Variants in GRID2 observed in about 807,000 individuals in gnomAD.
The protein encoded by GRID2 is glutamate ionotropic receptor delta type subunit 2, also known as glutamate receptor ionotropic, delta-2.
Under a neutral mutation model 114.8 loss-of-function variants are expected in GRID2, and 33 were observed. The observed-to-expected ratio is 0.29, with a 90% CI of 0.22 to 0.38. The LOEUF is 0.38. Among genes scored for constraint, GRID2 ranks in the 10% least tolerant of loss-of-function variants. The pLI, the probability that GRID2 is intolerant of heterozygous loss-of-function variation, is 1.00. For synonymous variants in GRID2, 505 were observed against 449.9 expected (o/e 1.12, Z -1.55); for missense variants, 1,184 against 1,257.7 (o/e 0.94, Z 0.89).
At chr4:93,595,832 A>G (rs1296480935) in intron 13 of GRID2, among the ~76,000 whole-genome samples, 2 of 152,164 alleles carry the variant, frequency 1.3e-5, no homozygotes, top group Non-Finnish European at 2.9e-5. Context: ...TGAGATCGTT[A>G]TTTGCTCTTC....
chr4:92,395,532 G>A (rs997365783), intron 1 of GRID2, among the ~76,000 whole-genome samples: 1 of 151,646 alleles, frequency 6.6e-6, no homozygotes, highest in Non-Finnish European at 1.5e-5. Context: ...TGTTAAGTAA[G>A]CACAACCAAA....
At position 92,557,888 on chromosome 4, in the gene GRID2, T is replaced by C. The variant is rs1726933342; in HGVS notation, c.89-32243T>C. 2.6e-5 allele frequency among the ~76,000 whole-genome samples: 4 copies of C among 152,106 alleles called. 1 individual carries two copies. The South Asian group carries it at 8.3e-4, about 31-fold the overall frequency. On this transcript the variant is annotated intron_variant, in intron 1 of 15. Coordinates refer to ENST00000282020, the MANE Select transcript of GRID2 (RefSeq NM_001510.4). ...ATGCTTACTACACTTTAAAAAACTT[T>C]TATGCCTTGACATTATTGAAATATT... is the stretch of plus-strand genomic sequence containing the variant.
rs191904203 is a variant in GRID2 at position 93,227,078 on chromosome 4, G to A, written c.1125+2303G>A. On this transcript the variant is annotated intron_variant, in intron 7 of 15. Coordinates refer to ENST00000282020, the MANE Select transcript of GRID2 (RefSeq NM_001510.4). ...ATCCCCTGAAATCATTTTGCCTTCC[G>A]AGAGACTGTGAGGGCAGCAGCAGCT... 2.6e-3 allele frequency among the ~76,000 whole-genome samples: 396 copies of A among 152,198 alleles called. 5 individuals carry two copies. The highest frequency in any genetic ancestry group is 0.015 in the Admixed American group (226 of 15,272).
intron 2 of GRID2, among the ~76,000 whole-genome samples, chr4:92,684,852 T>A (rs1248847026): frequency 6.6e-6 from 1 of 152,102 alleles, no homozygotes; most frequent in African/African-American, 2.4e-5. Context: ...TTTTATATTT[T>A]TAATACATAT....
intron 2 of GRID2, among the ~76,000 whole-genome samples, chr4:92,804,136 G>C (rs1219728744): frequency 6.6e-6 from 1 of 151,982 alleles, no homozygotes; most frequent in Non-Finnish European, 1.5e-5. Context: ...AGTAACAACA[G>C]ATTAAGGCCC....
intron 4 of GRID2, among the ~76,000 whole-genome samples, chr4:93,195,854 C>T (rs1301084319): frequency 6.6e-6 from 1 of 152,094 alleles, no homozygotes; most frequent in Non-Finnish European, 1.5e-5. Context: ...GATAAGCATA[C>T]ATGTAAAATT....
At chr4:93,245,762 A>C (rs1394260977) in intron 8 of GRID2, among the ~76,000 whole-genome samples, 3 of 152,216 alleles carry the variant, frequency 2.0e-5, no homozygotes, top group African/African-American at 7.2e-5. Flanking sequence ...AATGTAACAC[A>C]TGTAACATGT....
In GRID2 at chr4:93,298,010, G is replaced by C. The variant is rs79980510; in HGVS notation, c.1245+59520G>C. Among the ~76,000 whole-genome samples, 1,451 of 152,214 alleles carry C rather than the reference G, an allele frequency of 9.5e-3. 14 individuals carry two copies. The highest frequency in any genetic ancestry group is 0.033 in the African/African-American group (1,378 of 41,528). On this transcript the variant is annotated intron_variant, in intron 8 of 15. Transcript: ENST00000282020. ...TCCTAGACTTTGGCTCTGGAATCCA[G>C]ATCCCCTTATCTAATTACCTTCTTG...
chr4:93,587,646 T>C (rs934157844), intron 13 of GRID2, among the ~76,000 whole-genome samples: 3 of 152,164 alleles, frequency 2.0e-5, no homozygotes, highest in Admixed American at 6.6e-5. Context: ...TTTCTTGTAC[T>C]TTCTCTAATA....
chr4:92,730,316 G>A (rs1209986755), intron 2 of GRID2, among the ~76,000 whole-genome samples: 1 of 151,820 alleles, frequency 6.6e-6, no homozygotes, highest in Non-Finnish European at 1.5e-5. Flanking sequence ...ATTTTTAAAG[G>A]AAGCTTCGTT....
chr4:93,212,527 C>T (rs1033198438), intron 5 of GRID2, among the ~76,000 whole-genome samples: 2 of 152,012 alleles, frequency 1.3e-5, no homozygotes, highest in Non-Finnish European at 2.9e-5. Context: ...AAGCAGATGG[C>T]TTAACACTTT....
chr4:92,891,996 G>C (rs960745284), intron 2 of GRID2, among the ~76,000 whole-genome samples: 1 of 151,886 alleles, frequency 6.6e-6, no homozygotes, highest in African/African-American at 2.4e-5. Context: ...GCACCCAAAA[G>C]TATCTCTAAA....
At chr4:92,555,745 A>G (rs1358400931) in intron 1 of GRID2, among the ~76,000 whole-genome samples, 1 of 152,052 alleles carries the variant, frequency 6.6e-6, no homozygotes, top group Non-Finnish European at 1.5e-5. Flanking sequence ...TTATCTTCAA[A>G]TTTCAGGGGT....
At chr4:92,318,754 G>T (rs571684135) in intron 1 of GRID2, among the ~76,000 whole-genome samples, 2 of 152,060 alleles carry the variant, frequency 1.3e-5, no homozygotes, top group East Asian at 3.9e-4. Flanking sequence ...GATTACAAGC[G>T]TGAGCACCAT....
chr4:93,607,322 T>C (rs66791763), intron 13 of GRID2, among the ~76,000 whole-genome samples: 10,995 of 152,168 alleles, frequency 0.072, 754 homozygotes, highest in African/African-American at 0.18. Context: ...ACTTTCTGTG[T>C]CTTGCTTTTT....
intron 2 of GRID2, among the ~76,000 whole-genome samples, chr4:92,860,374 A>G (rs1169171280): frequency 1.3e-5 from 2 of 152,098 alleles, no homozygotes; most frequent in African/African-American, 2.4e-5. Context: ...AAGCGATTTA[A>G]TTTTATTTTC....
chr4:93,453,443 G>C (rs1011561498), intron 10 of GRID2, among the ~76,000 whole-genome samples: 27 of 151,518 alleles, frequency 1.8e-4, no homozygotes, highest in Non-Finnish European at 3.1e-4. Flanking sequence ...CTTGAAAATA[G>C]AATAGCCAAA....
chr4:93,676,894 T>C (rs1169794194), intron 14 of GRID2, among the ~76,000 whole-genome samples: 2 of 151,834 alleles, frequency 1.3e-5, no homozygotes. Flanking sequence ...AGGTACCGGG[T>C]TCATCTCACT....
chr4:93,728,764 C>T (rs1306507475), intron 14 of GRID2, among the ~76,000 whole-genome samples: 2 of 151,916 alleles, frequency 1.3e-5, no homozygotes, highest in Non-Finnish European at 2.9e-5. Flanking sequence ...CTCTTTTGAT[C>T]TTTGTTGGTT....
Sources: allele counts gnomAD v4.1 joint callset (sites outside exome capture counted in the v4.1 genomes callset), GRCh38; gene constraint gnomAD v4.1.1; transcripts MANE v1.5; gene names NCBI Gene and HGNC (gene_info 2026-07-23, HGNC 2026-07-21).